The following CLPTM1 variants were observed in gnomAD, a reference collection of about 807,000 sequenced individuals.
The protein encoded by CLPTM1 is putative lipid scramblase CLPTM1.
In CLPTM1, 21 loss-of-function variants were observed where a neutral mutation model predicts 77.3. The observed-to-expected ratio is 0.27, with a 90% confidence interval of 0.19 to 0.39. The LOEUF is 0.39. CLPTM1 is among the 10% of genes least tolerant of loss of function. CLPTM1 has a pLI of 1.00. For synonymous variants in CLPTM1, 373 were observed against 381.0 expected, an observed-to-expected ratio of 0.98 and a Z score of 0.24; for missense variants, 642 against 921.2, an observed-to-expected ratio of 0.70 and a Z score of 3.92.
intron 2 of CLPTM1, among the ~76,000 whole-genome samples, chr19:44,972,122 G>A (rs1335620355): frequency 6.6e-6 from 1 of 151,716 alleles, no homozygotes; most frequent in African/African-American, 2.4e-5. Context: ...GCCCACTTCA[G>A]CCTCCCAAAG....
At chr19:44,954,976 G>C (rs1970433964), upstream of CLPTM1, 1 of 1,535,470 alleles carries the variant, frequency 6.5e-7, no homozygotes, top group Non-Finnish European at 8.7e-7. Context: ...GGCGTGGTTC[G>C]AAGCCGTACA....
chr19:44,975,493 C>T (rs569883832), intron 4 of CLPTM1, among the ~76,000 whole-genome samples: 2 of 152,156 alleles, frequency 1.3e-5, no homozygotes, highest in African/African-American at 4.8e-5. Flanking sequence ...GGGTGGAGGG[C>T]ACATTTCTGT....
rs1481572497 is a variant in CLPTM1, at chr19:44,990,373, C to T, written c.1133-22C>T. On this transcript the variant is annotated intron_variant, in intron 9 of 13. Coordinates refer to ENST00000337392, the MANE Select transcript of CLPTM1 (RefSeq NM_001294.4). This position sits in a 1 kb window ranked among gnomAD's most constrained non-coding sequence, Gnocchi z 4.8. ...TCAGCACCTCCTCAGCCTCCTGGTT[C>T]CCCCCTACCCCCTGCGCACAGATAT... 6.2e-7 allele frequency: 1 copy of T among 1,608,604 alleles called. No individual in the cohort carries two copies. Among genetic ancestry groups the T allele is most frequent in the African/African-American group, 1.3e-5 (1 of 74,916 alleles).
chr19:44,955,586 CTTGAATACCCG>C, intron 1 of CLPTM1, 119 bp downstream of exon 1: 3 of 943,406 alleles, frequency 3.2e-6, no homozygotes, highest in Non-Finnish European at 4.1e-6. Flanking sequence ...CCAGAGGGAC[CTTGAATACCCG>C]GCCCAGGCAG....
rs771267049 is a variant in CLPTM1, at chr19:44,990,573, C to T, written c.1311C>T (p.Val437=). 6.2e-7 allele frequency: 1 copy of T among 1,613,736 alleles called. No homozygotes were observed. Among genetic ancestry groups the T allele is most frequent in the Admixed American group, 1.7e-5 (1 of 59,994 alleles). ...VLIDLWKITK[V]MDVRLDREHR... is the part of the protein sequence containing the mutation. ...TCGACCTCTGGAAGATCACCAAGGTCATGGACGTCCGGGTAAGGCTGGGGC... is the reference window on the plus strand; with the variant it reads ...TCGACCTCTGGAAGATCACCAAGGTTATGGACGTCCGGGTAAGGCTGGGGC... The change falls in exon 10 of 14, where the codon GTC becomes GTT. Residue 437 remains valine (V), a synonymous_variant. Coordinates refer to ENST00000337392, the MANE Select transcript of CLPTM1 (RefSeq NM_001294.4). The surrounding 1 kb of genome is among the most constrained non-coding windows in gnomAD (Gnocchi z 4.8).
chr19:44,964,803 A>T (rs1970602055), intron 2 of CLPTM1, among the ~76,000 whole-genome samples: 1 of 151,902 alleles, frequency 6.6e-6, no homozygotes, highest in South Asian at 2.1e-4. Flanking sequence ...TCTCTCTTTC[A>T]CTACTCTAGT....
intron 1 of CLPTM1, among the ~76,000 whole-genome samples, chr19:44,957,295 ACTGT>A (rs1039029306): frequency 1.8e-3 from 212 of 117,370 alleles, no homozygotes; most frequent in African/African-American, 5.8e-3. Flanking sequence ...GCCCTCTTTG[ACTGT>A]CTGGGCTCCG....
At position 44,992,360 on chromosome 19, in the gene CLPTM1, C is replaced by A; in HGVS notation, c.1683C>A (p.Ile561=). 1 of 1,614,164 alleles carries A rather than the reference C, an allele frequency of 6.2e-7. No individual in the cohort carries two copies. ...TFIDDLFAFV[I]KMPVMYRIGC... The stretch of plus-strand genomic sequence containing the variant: ...TCGACGACCTGTTCGCCTTTGTCAT[C>A]AAGATGCCCGTTATGTACCGGATCG... The change falls in exon 13 of 14, where the codon ATC becomes ATA. Residue 561 remains isoleucine (I), a synonymous_variant. Coordinates refer to ENST00000337392, the MANE Select transcript of CLPTM1 (RefSeq NM_001294.4). This position sits in a 1 kb window ranked among gnomAD's most constrained non-coding sequence, Gnocchi z 7.7.
Position 44,974,561 on chromosome 19 carries a change from C to A in CLPTM1, c.432C>A (p.Gly144=), listed in dbSNP as rs765954237. Residue 144 remains glycine (G), a synonymous_variant, in exon 4 of 14, where the codon GGC becomes GGA. Transcript: ENST00000337392. ...GDWTSGENSD[G]CYEHFAELDI... ...GGACTAGCGGCGAGAACTCAGACGGCTGCTACGAGCACTTTGCTGAGCTCG... is the reference window on the plus strand; with the variant it reads ...GGACTAGCGGCGAGAACTCAGACGGATGCTACGAGCACTTTGCTGAGCTCG... The A allele has an allele frequency of 6.2e-7, 1 of 1,614,202 alleles. No homozygotes were observed. Among genetic ancestry groups the A allele is most frequent in the Non-Finnish European group, 8.5e-7 (1 of 1,180,024 alleles).
At chr19:44,982,496 G>A (rs567022904) in intron 5 of CLPTM1, among the ~76,000 whole-genome samples, 2 of 152,298 alleles carry the variant, frequency 1.3e-5, no homozygotes, top group South Asian at 4.1e-4. Flanking sequence ...CAAGAAAGGG[G>A]GGCTTTTTCC....
At chr19:44,971,401 G>T (rs1199630965) in intron 2 of CLPTM1, among the ~76,000 whole-genome samples, 1 of 151,918 alleles carries the variant, frequency 6.6e-6, no homozygotes. Context: ...CCAGTGAGAG[G>T]GTTGGTCTGA....
At chr19:44,977,758 A>T (rs1718265960) in intron 5 of CLPTM1, among the ~76,000 whole-genome samples, 1 of 152,126 alleles carries the variant, frequency 6.6e-6, no homozygotes, top group Admixed American at 6.6e-5. Context: ...GACGTCCTTC[A>T]CCAAGGGGGA....
chr19:44,990,132 A>G lies in CLPTM1; in HGVS notation c.1133-263A>G. The G allele has an allele frequency of 2.1e-6, 1 of 482,382 alleles. No individual in the cohort carries two copies. 29.9% of individuals were successfully genotyped at this position (482,382 alleles called of 1,614,324 possible). A position where few individuals can be genotyped will look rare whatever the true frequency, so the allele number is the denominator to read the frequency against. On this transcript the variant is annotated intron_variant, in intron 9 of 13. Transcript: ENST00000337392. This position sits in a 1 kb window ranked among gnomAD's most constrained non-coding sequence, Gnocchi z 4.8. Reference sequence around the variant, plus strand: ...GTCCATGGCACCAGTCACCGTCACCATCAGTCAAGGGACTGCACCTTGGGG... The same window carrying G: ...GTCCATGGCACCAGTCACCGTCACCGTCAGTCAAGGGACTGCACCTTGGGG...
chr19:44,968,714 A>G (rs1298141353), intron 2 of CLPTM1, among the ~76,000 whole-genome samples: 1 of 152,212 alleles, frequency 6.6e-6, no homozygotes, highest in Non-Finnish European at 1.5e-5. Flanking sequence ...CTAGAAGCCC[A>G]GAGGGGTTAG....
At chr19:44,985,375 G>GATGA in intron 6 of CLPTM1, 72 bp downstream of exon 6, 9 of 1,067,090 alleles carry the variant, frequency 8.4e-6, no homozygotes, top group African/African-American at 1.6e-5. Context: ...AGACCACTGG[G>GATGA]GCTGTCATCT....
chr19:44,955,571 C>T (rs35515378), intron 1 of CLPTM1, 104 bp downstream of exon 1: 3 of 1,080,928 alleles, frequency 2.8e-6, no homozygotes, highest in East Asian at 3.6e-5. Context: ...CTGGGGGCTC[C>T]TTGGCCAGAG....
At chr19:44,986,741 C>A in intron 7 of CLPTM1, 166 bp downstream of exon 7, 1 of 860,312 alleles carries the variant, frequency 1.2e-6, no homozygotes, top group Non-Finnish European at 1.7e-6. Context: ...CTCCCTCTCC[C>A]ACACCACCAC....
chr19:44,990,445 T>A lies in CLPTM1; in HGVS notation c.1183T>A (p.Ser395Thr). ...GTCCCTGGAGGGCCTGTCCGTGCGC[T>A]CCGTCTTCTTCGGCGTTTTCCAGTC... ...RQSLEGLSVRSVFFGVFQSFV... is the reference protein window; with the variant it reads ...RQSLEGLSVRTVFFGVFQSFV... The change falls in exon 10 of 14, where the codon TCC becomes ACC. Residue 395 changes from serine (S) to threonine (T), a missense_variant. This residue lies in a region of CLPTM1 where 521 missense variants were observed against 800.4 expected (regional missense o/e 0.65). Transcript: ENST00000337392. This position sits in a 1 kb window ranked among gnomAD's most constrained non-coding sequence, Gnocchi z 4.8. The A allele has an allele frequency of 1.2e-6, 2 of 1,614,104 alleles. No individual in the cohort carries two copies. The highest frequency in any genetic ancestry group is 1.7e-6 in the Non-Finnish European group (2 of 1,179,994).
intron 6 of CLPTM1, 49 bp downstream of exon 6, chr19:44,985,352 C>T: frequency 7.7e-7 from 1 of 1,300,218 alleles, no homozygotes. Flanking sequence ...CCAGGCCATT[C>T]ACAGCTCATC....
Sources: allele counts gnomAD v4.1 joint callset (sites outside exome capture counted in the v4.1 genomes callset), GRCh38; gene constraint gnomAD v4.1.1; regional missense constraint gnomAD v4.1.1; non-coding constraint Gnocchi (gnomAD v3.1); transcripts MANE v1.5; gene names NCBI Gene and HGNC (gene_info 2026-07-23, HGNC 2026-07-21).